Variants in HMGN5 observed in about 807,000 individuals in gnomAD.
HMGN5 encodes the protein high mobility group nucleosome binding domain 5.
A neutral mutation model predicts 9.5 loss-of-function variants in HMGN5; 4 were observed. The observed-to-expected ratio is 0.42, with a 90% confidence interval of 0.21 to 0.96. The LOEUF (loss-of-function observed/expected upper bound fraction) is 0.96, where lower values mean the gene tolerates loss of function less well. HMGN5 is among the 40% of genes least tolerant of loss of function. The pLI is 0.30. For missense variants in HMGN5, 192 were observed against 187.5 expected (o/e 1.02, Z -0.14); for synonymous variants, 55 against 57.1 (o/e 0.96, Z 0.16).
At chrX:81,199,576 A>G (rs905699609) in intron 1 of HMGN5, among the ~76,000 whole-genome samples, 4 of 111,762 alleles carry the variant, frequency 3.6e-5, no homozygotes, top group Admixed American at 9.5e-5. Context: ...ATAACACCAC[A>G]CATCACAACC....
chrX:81,144,193 T>C (rs1194730542), intron 1 of HMGN5, among the ~76,000 whole-genome samples: 4 of 111,405 alleles, frequency 3.6e-5, no homozygotes, highest in Non-Finnish European at 7.5e-5. Context: ...AACCCCCGTG[T>C]ATCCTGACTG....
intron 1 of HMGN5, among the ~76,000 whole-genome samples, chrX:81,139,915 T>C (rs1226571767): frequency 3.6e-5 from 4 of 111,866 alleles, no homozygotes; most frequent in Non-Finnish European, 7.5e-5. Flanking sequence ...AGACAGTCTA[T>C]GACATAAGGA....
intron 5 of HMGN5, among the ~76,000 whole-genome samples, chrX:81,116,951 C>G (rs1414056875): frequency 9.1e-6 from 1 of 110,490 alleles, no homozygotes; most frequent in Admixed American, 9.7e-5. Flanking sequence ...ATTGAGGGGC[C>G]GGAAAACCTG....
chrX:81,178,012 C>A (rs1027081366), intron 1 of HMGN5, among the ~76,000 whole-genome samples: 4 of 111,839 alleles, frequency 3.6e-5, no homozygotes, highest in African/African-American at 1.3e-4. Context: ...TTCTTTGAAA[C>A]CAATGAGAAC....
At chrX:81,124,401 A>T (rs2075277301) in intron 1 of HMGN5, among the ~76,000 whole-genome samples, 1 of 112,393 alleles carries the variant, frequency 8.9e-6, no homozygotes, top group Admixed American at 9.4e-5. Context: ...AACTGTTTAG[A>T]CCCAATCCAA....
chrX:81,181,013 C>T (rs2147643855), intron 1 of HMGN5, among the ~76,000 whole-genome samples: 1 of 110,152 alleles, frequency 9.1e-6, no homozygotes, highest in East Asian at 2.9e-4. Context: ...ATCAGTTGGA[C>T]ACAGGGCGGG....
chrX:81,156,974 T>C (rs2075384757), intron 1 of HMGN5, among the ~76,000 whole-genome samples: 2 of 111,773 alleles, frequency 1.8e-5, no homozygotes, highest in Admixed American at 1.9e-4. Context: ...AAGTTTTAAG[T>C]ACCAACATGA....
chrX:81,200,670 A>C (rs753873423), intron 1 of HMGN5, among the ~76,000 whole-genome samples: 52 of 111,468 alleles, frequency 4.7e-4, no homozygotes, highest in Middle Eastern at 4.2e-3. Context: ...GAACACATGG[A>C]CACAGGACAG....
At chrX:81,156,187 C>G (rs889395216) in intron 1 of HMGN5, among the ~76,000 whole-genome samples, 2 of 111,932 alleles carry the variant, frequency 1.8e-5, no homozygotes, top group Non-Finnish European at 3.8e-5. Flanking sequence ...ATCAAATGGT[C>G]ATTGTAGTTA....
chrX:81,168,138 GA>G (rs2075416083), intron 1 of HMGN5, among the ~76,000 whole-genome samples: 1 of 112,089 alleles, frequency 8.9e-6, no homozygotes, highest in South Asian at 3.7e-4. Flanking sequence ...AGATTTTATG[GA>G]AGAAATGCTT....
intron 1 of HMGN5, among the ~76,000 whole-genome samples, chrX:81,152,282 T>A (rs1414416155): frequency 9.0e-6 from 1 of 110,811 alleles, no homozygotes; most frequent in African/African-American, 3.3e-5. Context: ...TACAATGAAC[T>A]CAAACAAATT....
At chrX:81,130,914 T>C (rs2075296316) in intron 1 of HMGN5, among the ~76,000 whole-genome samples, 1 of 111,159 alleles carries the variant, frequency 9.0e-6, no homozygotes, top group African/African-American at 3.3e-5. Flanking sequence ...AAATGAGATA[T>C]GTGAAAAACA....
At chrX:81,116,828 T>C (rs1199887350) in intron 5 of HMGN5, among the ~76,000 whole-genome samples, 1 of 112,051 alleles carries the variant, frequency 8.9e-6, no homozygotes, top group African/African-American at 3.2e-5. Flanking sequence ...AAAGACCTTA[T>C]GGTGATGTAA....
chrX:81,121,111 C>G (rs1449458411), intron 2 of HMGN5, among the ~76,000 whole-genome samples: 1 of 109,133 alleles, frequency 9.2e-6, no homozygotes, highest in Non-Finnish European at 1.9e-5. Context: ...AAGGCAAATA[C>G]AGGAGAAAGC....
chrX:81,174,587 T>G (rs1463147968), intron 1 of HMGN5, among the ~76,000 whole-genome samples: 1 of 111,508 alleles, frequency 9.0e-6, no homozygotes, highest in Admixed American at 9.6e-5. Flanking sequence ...CATCTACTTC[T>G]GAAACATTGC....
chrX:81,188,839 G>T (rs181370623), intron 1 of HMGN5, among the ~76,000 whole-genome samples: 25 of 111,390 alleles, frequency 2.2e-4, no homozygotes, highest in Non-Finnish European at 4.0e-4. Flanking sequence ...GTATTCCATG[G>T]TGTATATGTG....
intron 1 of HMGN5, among the ~76,000 whole-genome samples, chrX:81,169,485 G>A (rs1317724211): frequency 9.0e-6 from 1 of 111,341 alleles, no homozygotes; most frequent in Non-Finnish European, 1.9e-5. Context: ...AAAAAACAAT[G>A]CCAAGATCCT....
At chrX:81,183,590 T>C (rs2075468990) in intron 1 of HMGN5, among the ~76,000 whole-genome samples, 1 of 112,519 alleles carries the variant, frequency 8.9e-6, no homozygotes, top group Admixed American at 9.4e-5. Context: ...GGAGCCTACA[T>C]CTGGATTCCA....
chrX:81,135,067 A>G (rs1052473631), intron 1 of HMGN5, among the ~76,000 whole-genome samples: 2 of 111,504 alleles, frequency 1.8e-5, no homozygotes, highest in Non-Finnish European at 3.8e-5. Flanking sequence ...GAGTTAGCCT[A>G]TGGTTTCTTA....
Sources: allele counts gnomAD v4.1 joint callset (sites outside exome capture counted in the v4.1 genomes callset), GRCh38; gene constraint gnomAD v4.1.1; transcripts MANE v1.5; gene names NCBI Gene and HGNC (gene_info 2026-07-23, HGNC 2026-07-21).